Variants in GPHN observed in about 807,000 individuals in gnomAD.
GPHN encodes gephyrin.
In GPHN, 17 loss-of-function variants were observed where a neutral mutation model predicts 95.5. That is an observed-to-expected ratio of 0.18 (90% CI 0.12 to 0.27). The LOEUF (loss-of-function observed/expected upper bound fraction) is 0.27. Ranked by LOEUF, GPHN falls within the 10% of genes least tolerant of loss-of-function variation. The pLI is 1.00. For missense variants in GPHN, 660 were observed against 978.1 expected (o/e 0.67, Z 4.34); for synonymous variants, 320 against 322.5 (o/e 0.99, Z 0.08).
chr14:67,350,355 G>GA, the GPHN span, among the ~76,000 whole-genome samples: 1 of 151,940 alleles, frequency 6.6e-6, no homozygotes, highest in Non-Finnish European at 1.5e-5. Flanking sequence ...TGAAAATAAG[G>GA]AAAAATGTTT....
the GPHN span, among the ~76,000 whole-genome samples, chr14:67,314,919 C>G: frequency 1.3e-4 from 20 of 151,902 alleles, no homozygotes; most frequent in African/African-American, 4.4e-4. Flanking sequence ...AGTGGCATAG[C>G]TGACATAATG....
At chr14:66,813,518 C>G (rs1472249634) in intron 3 of GPHN, among the ~76,000 whole-genome samples, 1 of 152,228 alleles carries the variant, frequency 6.6e-6, no homozygotes, top group Non-Finnish European at 1.5e-5. Flanking sequence ...GAGCAACCCG[C>G]TCTCACCATG....
rs112816492 is a variant in GPHN at position 66,638,991 on chromosome 14, C to T, written c.65-42116C>T. On this transcript the variant is annotated intron_variant, in intron 1 of 22. Transcript: ENST00000478722. ...GAAGAACAGGAAGGACCTTATCACA[C>T]AGTATTTTGCAGCAAGAACCTGGAC... Among the ~76,000 whole-genome samples, 11 of 152,128 alleles carry T rather than the reference C, an allele frequency of 7.2e-5. 2 individuals are homozygous for T. The highest frequency in any genetic ancestry group is 2.7e-4 in the African/African-American group (11 of 41,504).
the GPHN span, among the ~76,000 whole-genome samples, chr14:67,245,965 T>G: frequency 6.6e-6 from 1 of 152,038 alleles, no homozygotes; most frequent in Non-Finnish European, 1.5e-5. Flanking sequence ...GTTGTTTCAC[T>G]TATTTGTTTG....
intron 1 of GPHN, among the ~76,000 whole-genome samples, chr14:66,545,113 G>C (rs1304291270): frequency 6.6e-6 from 1 of 152,206 alleles, no homozygotes; most frequent in African/African-American, 2.4e-5. Context: ...CAGACGGGGT[G>C]GTGGCCGGGC....
chr14:67,398,550 CTA>C, the GPHN span, among the ~76,000 whole-genome samples: 3 of 148,006 alleles, frequency 2.0e-5, no homozygotes, highest in East Asian at 2.0e-4. Context: ...ACCAACTAAA[CTA>C]CCCTTCTCTT....
chr14:66,515,656 T>C (rs2058211489), intron 1 of GPHN, among the ~76,000 whole-genome samples: 1 of 152,182 alleles, frequency 6.6e-6, no homozygotes, highest in South Asian at 2.1e-4. Context: ...TTCTCCCACT[T>C]TCAAGATAAG....
intron 4 of GPHN, among the ~76,000 whole-genome samples, chr14:66,832,273 C>T (rs1462430817): frequency 6.6e-6 from 1 of 152,184 alleles, no homozygotes; most frequent in Non-Finnish European, 1.5e-5. Context: ...TAGTAAATGG[C>T]AATAAATGCA....
At chr14:67,126,924 T>G (rs991893787) in intron 17 of GPHN, among the ~76,000 whole-genome samples, 1 of 151,892 alleles carries the variant, frequency 6.6e-6, no homozygotes, top group African/African-American at 2.4e-5. Flanking sequence ...CCATAAAAAA[T>G]GATGAGTTCC....
At chr14:67,160,779 A>G (rs2081932005) in intron 19 of GPHN, among the ~76,000 whole-genome samples, 1 of 152,214 alleles carries the variant, frequency 6.6e-6, no homozygotes, top group Non-Finnish European at 1.5e-5. Flanking sequence ...AAAAGCCTTT[A>G]AAGTATCAAG....
the GPHN span, among the ~76,000 whole-genome samples, chr14:67,331,511 A>G: frequency 6.6e-6 from 1 of 152,146 alleles, no homozygotes; most frequent in Non-Finnish European, 1.5e-5. Flanking sequence ...TTCTGCTAGT[A>G]TGAAGGCTTG....
the GPHN span, among the ~76,000 whole-genome samples, chr14:67,441,166 C>T: frequency 1.3e-5 from 2 of 152,152 alleles, no homozygotes; most frequent in African/African-American, 4.8e-5. Flanking sequence ...CCAGCTGTGG[C>T]TGCTGCTGTA....
At chr14:67,252,494 C>A in the GPHN span, among the ~76,000 whole-genome samples, 4 of 152,194 alleles carry the variant, frequency 2.6e-5, no homozygotes, top group African/African-American at 9.6e-5. Context: ...TCATGGGAAC[C>A]CCTGATGAAT....
intron 5 of GPHN, among the ~76,000 whole-genome samples, chr14:66,888,990 GT>G (rs1208102627): frequency 6.6e-6 from 1 of 152,000 alleles, no homozygotes; most frequent in Non-Finnish European, 1.5e-5. Flanking sequence ...AATCCAAAAA[GT>G]TTACAAGAGA....
At chr14:66,763,285 A>G (rs944206617) in intron 2 of GPHN, among the ~76,000 whole-genome samples, 19 of 146,486 alleles carry the variant, frequency 1.3e-4, no homozygotes, top group Admixed American at 3.4e-4. Context: ...ACATGTGCAC[A>G]TTGTGCAGGT....
the GPHN span, among the ~76,000 whole-genome samples, chr14:67,381,874 T>G: frequency 2.0e-5 from 3 of 152,198 alleles, no homozygotes; most frequent in Non-Finnish European, 2.9e-5. Flanking sequence ...TTAGGCTTTG[T>G]TGGTTTCTAC....
the GPHN span, among the ~76,000 whole-genome samples, chr14:67,512,919 A>C: frequency 6.6e-6 from 1 of 152,214 alleles, no homozygotes; most frequent in Non-Finnish European, 1.5e-5. Flanking sequence ...TTTGCCTATC[A>C]CAAAAGCTGT....
intron 1 of GPHN, among the ~76,000 whole-genome samples, chr14:66,677,155 T>C (rs1454102130): frequency 1.3e-5 from 2 of 152,096 alleles, no homozygotes; most frequent in Non-Finnish European, 2.9e-5. Context: ...TTTCTGATTT[T>C]ACTTATTTGA....
At chr14:67,385,479 CAA>C in the GPHN span, 2 of 150,966 alleles carry the variant, frequency 1.3e-5, no homozygotes, top group African/African-American at 4.9e-5. Flanking sequence ...AATCTCCCAT[CAA>C]AGCCTTTTCA....
Sources: allele counts gnomAD v4.1 joint callset (sites outside exome capture counted in the v4.1 genomes callset), GRCh38; gene constraint gnomAD v4.1.1; transcripts MANE v1.5; gene names NCBI Gene and HGNC (gene_info 2026-07-23, HGNC 2026-07-21).